CAMK2B: variants seen among roughly 807,000 people sequenced by gnomAD.
The protein encoded by CAMK2B is calcium/calmodulin-dependent protein kinase type II subunit beta.
Under a neutral mutation model 93.7 loss-of-function variants are expected in CAMK2B, and 27 were observed. That is an observed-to-expected ratio of 0.29 (90% CI 0.21 to 0.40). The LOEUF (loss-of-function observed/expected upper bound fraction) is 0.40, where lower values mean the gene tolerates loss of function less well. CAMK2B is among the 10% of genes least tolerant of loss of function. CAMK2B has a pLI of 1.00. For missense variants in CAMK2B, 568 were observed against 895.8 expected (o/e 0.63, Z 4.67); for synonymous variants, 374 against 358.8 (o/e 1.04, Z -0.48).
intron 11 of CAMK2B, 34 bp downstream of exon 11, chr7:44,241,666 T>C: frequency 6.4e-7 from 1 of 1,552,636 alleles, no homozygotes; most frequent in Non-Finnish European, 8.9e-7. Flanking sequence ...CAGAGAAGCA[T>C]GGCCGTGCCT....
intron 1 of CAMK2B, among the ~76,000 whole-genome samples, chr7:44,321,860 T>C (rs568787002): frequency 6.6e-6 from 1 of 152,322 alleles, no homozygotes; most frequent in Non-Finnish European, 1.5e-5. Context: ...ACCTGAGGAA[T>C]GGCAGCACCC....
At chr7:44,300,058 G>GTA (rs1491053668) in intron 1 of CAMK2B, among the ~76,000 whole-genome samples, 1 of 149,398 alleles carries the variant, frequency 6.7e-6, no homozygotes, top group African/African-American at 2.4e-5. Flanking sequence ...GTGTGTGTGT[G>GTA]TATGTAGTTG....
At chr7:44,222,646 A>G (rs75929284) in intron 20 of CAMK2B, among the ~76,000 whole-genome samples, 8,308 of 152,080 alleles carry the variant, frequency 0.055, 283 homozygotes, top group East Asian at 0.086. Context: ...GTTTCACCAT[A>G]TTGGCCAGGC....
intron 5 of CAMK2B, among the ~76,000 whole-genome samples, chr7:44,253,509 G>C (rs1356901630): frequency 2.0e-5 from 3 of 152,114 alleles, no homozygotes; most frequent in Non-Finnish European, 4.4e-5. Context: ...CACCACGCAC[G>C]GCCTAAAAAG....
Position 44,220,852 on chromosome 7 carries a change from G to C in CAMK2B, c.1647C>G (p.Val549=). ...IKTTEQLIEA[V]NNGDFEAYAK... ...CGTAGGCCTCAAAGTCACCGTTGTT[G>C]ACGGCCTCGATGAGCTGCTCCGTGG... Residue 549 remains valine, a synonymous_variant, in exon 21 of 24, where the codon GTC becomes GTG. Coordinates refer to ENST00000395749, the MANE Select transcript of CAMK2B (RefSeq NM_001220.5). The C allele has an allele frequency of 6.4e-7, 1 of 1,571,836 alleles. No individual in the cohort carries two copies. The highest frequency in any genetic ancestry group is 8.6e-7 in the Non-Finnish European group (1 of 1,157,642).
In CAMK2B at chr7:44,234,422, TG is replaced by T; in HGVS notation, c.1098del (p.Ser367AlafsTer36). On this transcript the variant is annotated frameshift_variant, in exon 15 of 24. Coordinates refer to ENST00000395749, the MANE Select transcript of CAMK2B (RefSeq NM_001220.5). LOFTEE classifies it high-confidence loss of function. The stretch of plus-strand genomic sequence containing the variant: ...GCAGGAGGAAGCGTCCCTTTGGGGC[TG>T]GTGGCGGCTGCACTGTTTTTGGTGC... ...TNSTKNSAAA[T>X]SPKGTLPPAA... is the part of the protein sequence containing the mutation. The T allele has an allele frequency of 6.5e-7, 1 of 1,544,208 alleles. No individual in the cohort carries two copies. The highest frequency in any genetic ancestry group is 8.7e-7 in the Non-Finnish European group (1 of 1,149,118).
intron 1 of CAMK2B, among the ~76,000 whole-genome samples, chr7:44,290,400 C>A (rs1483579986): frequency 1.3e-5 from 2 of 152,244 alleles, no homozygotes; most frequent in Non-Finnish European, 2.9e-5. Flanking sequence ...AGAGTCTGGG[C>A]CGGCCACAGA....
At chr7:44,240,875 T>C in intron 11 of CAMK2B, 126 bp from the exon 12 acceptor site, 1 of 977,800 alleles carries the variant, frequency 1.0e-6, no homozygotes, top group Non-Finnish European at 1.6e-6. Context: ...TGACATGACC[T>C]CAGCCTTCCA....
intron 13 of CAMK2B, 35 bp downstream of exon 13, chr7:44,239,554 G>T: frequency 6.6e-7 from 1 of 1,517,686 alleles, no homozygotes. Context: ...AGGGACGGGC[G>T]GGAGCGGGCG....
At chr7:44,303,165 A>G (rs1410702297) in intron 1 of CAMK2B, among the ~76,000 whole-genome samples, 1 of 152,188 alleles carries the variant, frequency 6.6e-6, no homozygotes, top group African/African-American at 2.4e-5. Flanking sequence ...TTCATCCCCC[A>G]AAGTGAAATA....
chr7:44,310,362 G>A (rs527967753), intron 1 of CAMK2B, among the ~76,000 whole-genome samples: 1 of 152,286 alleles, frequency 6.6e-6, no homozygotes, highest in South Asian at 2.1e-4. Context: ...GGGCCGGAAG[G>A]GACTGGAGAG....
chr7:44,275,542 G>C (rs1483125721), intron 2 of CAMK2B, among the ~76,000 whole-genome samples: 3 of 152,232 alleles, frequency 2.0e-5, no homozygotes, highest in Non-Finnish European at 2.9e-5. Flanking sequence ...AAAACACAGG[G>C]TGCCCAGTTA....
In CAMK2B at chr7:44,271,724, T is replaced by C. The variant is rs936652720; in HGVS notation, c.161-8660A>G. On this transcript the variant is annotated intron_variant, in intron 2 of 23. Transcript: ENST00000395749. The surrounding 1 kb of genome is among the most constrained non-coding windows in gnomAD (Gnocchi z 4.2). Reference sequence around the variant, plus strand: ...TCCTCCCTGGCTGGTAAATGTGAAGTAGAACCAGTCCTGACCCCAAAGTCA... The same window carrying C: ...TCCTCCCTGGCTGGTAAATGTGAAGCAGAACCAGTCCTGACCCCAAAGTCA... Among the ~76,000 whole-genome samples, 1 of 152,186 alleles carries C rather than the reference T, an allele frequency of 6.6e-6. No homozygotes were observed. Among genetic ancestry groups the C allele is most frequent in the African/African-American group, 2.4e-5 (1 of 41,450 alleles).
chr7:44,270,557 C>CT (rs1473696493), intron 2 of CAMK2B, among the ~76,000 whole-genome samples: 5 of 152,236 alleles, frequency 3.3e-5, no homozygotes, highest in Non-Finnish European at 5.9e-5. Context: ...AGGCCCTACG[C>CT]AGGGGCCTGC....
At chr7:44,249,941 G>A (rs1184042069) in intron 5 of CAMK2B, among the ~76,000 whole-genome samples, 2 of 152,168 alleles carry the variant, frequency 1.3e-5, no homozygotes, top group African/African-American at 4.8e-5. Context: ...CAGAGACGGG[G>A]ACTATGGGGA....
intron 2 of CAMK2B, among the ~76,000 whole-genome samples, chr7:44,281,130 C>T (rs548447939): frequency 1.3e-5 from 2 of 152,352 alleles, no homozygotes; most frequent in Admixed American, 1.3e-4. Context: ...ACAGCAACCA[C>T]GCGGGAGGCG....
chr7:44,300,040 G>C (rs1789498637), intron 1 of CAMK2B, among the ~76,000 whole-genome samples: 1 of 151,484 alleles, frequency 6.6e-6, no homozygotes, highest in Non-Finnish European at 1.5e-5. Flanking sequence ...GTGTGTGTGT[G>C]TGTGTGTGTG....
chr7:44,235,977 C>T (rs981046971), intron 13 of CAMK2B, among the ~76,000 whole-genome samples: 5 of 150,574 alleles, frequency 3.3e-5, no homozygotes, highest in African/African-American at 1.2e-4. Flanking sequence ...ATGGGATCCT[C>T]CCCCAACCCC....
chr7:44,222,175 C>A (rs975686757), intron 20 of CAMK2B, among the ~76,000 whole-genome samples: 1 of 152,182 alleles, frequency 6.6e-6, no homozygotes, highest in African/African-American at 2.4e-5. Context: ...AAAACTCAAA[C>A]CCCCAGAAGT....
Sources: allele counts gnomAD v4.1 joint callset (sites outside exome capture counted in the v4.1 genomes callset), GRCh38; gene constraint gnomAD v4.1.1; non-coding constraint Gnocchi (gnomAD v3.1); transcripts MANE v1.5; gene names NCBI Gene and HGNC (gene_info 2026-07-23, HGNC 2026-07-21).